Variants in BPIFB2 observed in about 807,000 individuals in gnomAD.
BPIFB2 encodes BPI fold-containing family B member 2.
Under a neutral mutation model 50.1 loss-of-function variants are expected in BPIFB2, and 39 were observed. The ratio of observed to expected loss-of-function variants is 0.78; its 90% CI spans 0.60 to 1.02. The LOEUF (loss-of-function observed/expected upper bound fraction) is 1.02, where lower values mean the gene tolerates loss of function less well. Among genes scored for constraint, BPIFB2 ranks in the 50% least tolerant of loss-of-function variants. The pLI, the probability that BPIFB2 is intolerant of heterozygous loss-of-function variation, is 0.00. For synonymous variants in BPIFB2, 280 were observed against 256.3 expected, an observed-to-expected ratio of 1.09 and a Z score of -0.88; for missense variants, 574 against 585.8, an observed-to-expected ratio of 0.98 and a Z score of 0.21.
chr20:33,020,271 G>T, intron 11 of BPIFB2, 57 bp from the exon 12 acceptor site: 1 of 1,542,452 alleles, frequency 6.5e-7, no homozygotes, highest in Non-Finnish European at 8.9e-7. Flanking sequence ...AGGCTGGGTG[G>T]CTGGTGCCCC....
rs1219162710 is a variant in BPIFB2 at position 33,019,093 on chromosome 20, C to T, written c.887C>T (p.Ala296Val). Residue 296 changes from alanine to valine, a missense_variant, in exon 10 of 16, where the codon GCT becomes GTT. Coordinates refer to ENST00000170150, the MANE Select transcript of BPIFB2 (RefSeq NM_025227.3). ...RSDDNLLNTS[A>V]LGRLIPEVAR... Reference sequence around the variant, plus strand: ...GATGACAACCTGCTGAACACCTCTGCTCTGGGCCGGCTCATCCCGGAGGTC... The same window carrying T: ...GATGACAACCTGCTGAACACCTCTGTTCTGGGCCGGCTCATCCCGGAGGTC... The T allele has an allele frequency of 4.3e-6, 7 of 1,614,048 alleles. No individual in the cohort carries two copies. The highest frequency in any genetic ancestry group is 2.7e-5 in the African/African-American group (2 of 74,906).
rs1287454580 is a variant in BPIFB2, at chr20:33,018,341, G to A, written c.660G>A (p.Leu220=). 1.2e-6 allele frequency: 2 copies of A among 1,612,998 alleles called. No homozygotes were observed. Among genetic ancestry groups the A allele is most frequent in the Non-Finnish European group, 1.7e-6 (2 of 1,179,150 alleles). Residue 220 remains leucine, a synonymous_variant, in exon 8 of 16, where the codon CTG becomes CTA. Coordinates refer to ENST00000170150, the MANE Select transcript of BPIFB2 (RefSeq NM_025227.3). ...VPTVTSDYIS[L]EVNAVLFLLG... The stretch of plus-strand genomic sequence containing the variant: ...CTGTCACCAGTGACTACATTTCCCT[G>A]GAAGTCAATGTAAGTGCCTCCTGGC...
chr20:33,016,052 C>T (rs79486221), intron 6 of BPIFB2, among the ~76,000 whole-genome samples: 5,421 of 152,132 alleles, frequency 0.036, 123 homozygotes, highest in South Asian at 0.078. Context: ...TCATTGTCTG[C>T]GTGGAGCTGA....
At chr20:33,023,320 C>T (rs1043052095) in intron 15 of BPIFB2, 22 bp from the exon 16 acceptor site, 11 of 1,612,762 alleles carry the variant, frequency 6.8e-6, no homozygotes, top group Non-Finnish European at 9.3e-6. Flanking sequence ...TGACCTGGTC[C>T]ATGGTTTCCT....
chr20:33,011,407 G>C (rs1568976205), intron 3 of BPIFB2, among the ~76,000 whole-genome samples: 1 of 152,228 alleles, frequency 6.6e-6, no homozygotes, highest in Non-Finnish European at 1.5e-5. Flanking sequence ...GGCTAAGAGT[G>C]GCTCCTGGGT....
At position 33,023,405 on chromosome 20, in the gene BPIFB2, G is replaced by A. The variant is rs373644862; in HGVS notation, c.*22G>A. On this transcript the variant is annotated 3_prime_UTR_variant, in exon 16 of 16. Coordinates refer to ENST00000170150, the MANE Select transcript of BPIFB2 (RefSeq NM_025227.3). ...CTGAGGCAAGACCACTGGGAGGCCT[G>A]AGAGTGGGCCAGCTCGCTGCTCAGG... 8.1e-6 allele frequency: 13 copies of A among 1,612,536 alleles called. No homozygotes were observed. The highest frequency in any genetic ancestry group is 1.1e-5 in the Non-Finnish European group (13 of 1,178,690).
chr20:33,011,683 A>C (rs1477547017), intron 3 of BPIFB2, among the ~76,000 whole-genome samples: 5 of 152,214 alleles, frequency 3.3e-5, no homozygotes, highest in Non-Finnish European at 7.3e-5. Context: ...GCAACTAATG[A>C]AAAAACATTT....
rs534989140 is a variant in BPIFB2 at position 33,021,160 on chromosome 20, A to G, written c.1195-121A>G. The G allele has an allele frequency of 2.7e-6, 3 of 1,092,368 alleles. No homozygotes were observed. In the South Asian group the frequency reaches 4.2e-5, roughly 15 times the overall value. The allele number at this position is 1,092,368 out of a possible 1,614,324, so 67.7% of individuals were successfully genotyped here. On this transcript the variant is annotated intron_variant, in intron 13 of 15. Transcript: ENST00000170150. ...TGATCTGCCTTCCTCCCTGTGCCTC[A>G]GCCTCTGCCATCCATCTGTTGTCTG...
At chr20:33,021,829 C>T (rs776730751) in intron 15 of BPIFB2, 30 bp downstream of exon 15, 6 of 1,595,304 alleles carry the variant, frequency 3.8e-6, no homozygotes, top group Non-Finnish European at 5.2e-6. Context: ...ACCAGAGGGG[C>T]CTCCTTCACT....
chr20:33,010,852 C>T (rs1027993704), intron 2 of BPIFB2, among the ~76,000 whole-genome samples, 172 bp from the exon 3 acceptor site: 2 of 151,858 alleles, frequency 1.3e-5, no homozygotes, highest in Admixed American at 1.3e-4. Flanking sequence ...AGTGGTGCAC[C>T]CAAGGTGGGC....
intron 1 of BPIFB2, among the ~76,000 whole-genome samples, chr20:33,008,258 G>A (rs1040616142): frequency 3.3e-5 from 5 of 152,186 alleles, no homozygotes; most frequent in African/African-American, 1.2e-4. Context: ...CCATGGCTTG[G>A]GTCCTGCACC....
chr20:33,017,518 C>T (rs1449246821), intron 7 of BPIFB2, among the ~76,000 whole-genome samples: 1 of 152,182 alleles, frequency 6.6e-6, no homozygotes, highest in Non-Finnish European at 1.5e-5. Flanking sequence ...CTGGCCTCGC[C>T]CTTTGAAACT....
chr20:33,012,742 C>A, intron 3 of BPIFB2, 61 bp from the exon 4 acceptor site: 1 of 1,364,354 alleles, frequency 7.3e-7, no homozygotes, highest in Non-Finnish European at 1.0e-6. Context: ...GAGCACCCAC[C>A]CCAGAGTTGA....
At chr20:33,010,118 C>G (rs957905567) in intron 2 of BPIFB2, among the ~76,000 whole-genome samples, 2 of 152,140 alleles carry the variant, frequency 1.3e-5, no homozygotes, top group African/African-American at 4.8e-5. Context: ...CCTCTTGACT[C>G]CTCATTTGAA....
Position 33,018,711 on chromosome 20 carries a change from G to A in BPIFB2, c.744G>A (p.Val248=), listed in dbSNP as rs773168283. The A allele has an allele frequency of 2.5e-6, 4 of 1,614,208 alleles. No homozygotes were observed. The South Asian group carries it at 4.4e-5, about 18-fold the overall frequency. The part of the protein sequence containing the change: ...DATPFVLPRH[V]GTEGSMATVG... The stretch of plus-strand genomic sequence containing the variant: ...CCCCTTTTGTGTTGCCAAGGCATGT[G>A]GGTACCGAGGGCTCCATGGCCACCG... The change falls in exon 9 of 16, where the codon GTG becomes GTA. Residue 248 remains valine (V), a synonymous_variant. Coordinates refer to ENST00000170150, the MANE Select transcript of BPIFB2 (RefSeq NM_025227.3).
intron 1 of BPIFB2, 97 bp from the exon 2 acceptor site, chr20:33,008,444 C>A (rs1990238734): frequency 3.1e-6 from 2 of 635,132 alleles, no homozygotes; most frequent in Admixed American, 6.5e-5. Flanking sequence ...GCTGGGATCA[C>A]CAGTCAGGGC....
intron 6 of BPIFB2, 86 bp from the exon 7 acceptor site, chr20:33,016,956 C>T: frequency 8.0e-7 from 1 of 1,249,510 alleles, no homozygotes; most frequent in Non-Finnish European, 1.2e-6. Context: ...GGCTTCTAGA[C>T]AGGGACTCTA....
At chr20:33,019,391 G>A (rs578049202) in intron 10 of BPIFB2, among the ~76,000 whole-genome samples, 189 bp from the exon 11 acceptor site, 3 of 152,130 alleles carry the variant, frequency 2.0e-5, no homozygotes, top group East Asian at 3.9e-4. Flanking sequence ...TCACCTCCTC[G>A]GGGAGATCCA....
intron 6 of BPIFB2, 47 bp from the exon 7 acceptor site, chr20:33,016,995 C>T (rs780155534): frequency 1.3e-6 from 2 of 1,576,936 alleles, no homozygotes; most frequent in Non-Finnish European, 8.7e-7. Context: ...GCCCTCCAGC[C>T]CCAGGGCTGC....
Sources: allele counts gnomAD v4.1 joint callset (sites outside exome capture counted in the v4.1 genomes callset), GRCh38; gene constraint gnomAD v4.1.1; transcripts MANE v1.5; gene names NCBI Gene and HGNC (gene_info 2026-07-23, HGNC 2026-07-21).